PCNX2: variants seen among roughly 807,000 people sequenced by gnomAD.
The protein encoded by PCNX2 is pecanex 2, also known as pecanex-like protein 2.
Under a neutral mutation model 223.8 loss-of-function variants are expected in PCNX2, and 168 were observed. The observed-to-expected ratio is 0.75, with a 90% confidence interval of 0.66 to 0.85. The LOEUF is 0.85. PCNX2 is among the 40% of genes least tolerant of loss of function. PCNX2 has a pLI of 0.00. For missense variants in PCNX2, 2,507 were observed against 2,675.5 expected, an observed-to-expected ratio of 0.94 and a Z score of 1.39; for synonymous variants, 1,006 against 1,052.6, an observed-to-expected ratio of 0.96 and a Z score of 0.86.
In PCNX2 at chr1:233,000,335, G is replaced by A. The variant is rs750661383; in HGVS notation, c.5298C>T (p.His1766=). Residue 1766 remains histidine, a synonymous_variant, in exon 30 of 34, where the codon CAC becomes CAT. Transcript: ENST00000258229. The surrounding 1 kb of genome is among the most constrained non-coding windows in gnomAD (Gnocchi z 4.6). ...GADEYKVIML[H]RSFLSFKVIK... Reference sequence around the variant, plus strand: ...TCACCTTGAAGCTCAGGAAGCTTCTGTGGAGCATGATGACCTTGTACTCGT... The same window carrying A: ...TCACCTTGAAGCTCAGGAAGCTTCTATGGAGCATGATGACCTTGTACTCGT... The A allele has an allele frequency of 3.1e-6, 5 of 1,613,898 alleles. No homozygotes were observed. The South Asian group carries it at 5.5e-5, about 18-fold the overall frequency.
At chr1:233,189,938 C>G (rs895402458) in intron 15 of PCNX2, among the ~76,000 whole-genome samples, 5 of 152,078 alleles carry the variant, frequency 3.3e-5, no homozygotes, top group African/African-American at 1.2e-4. Context: ...TGAGGGAGTC[C>G]ATTTATATGT....
At chr1:233,106,132 C>A (rs1243126812) in intron 21 of PCNX2, among the ~76,000 whole-genome samples, 1 of 152,136 alleles carries the variant, frequency 6.6e-6, no homozygotes, top group Non-Finnish European at 1.5e-5. Flanking sequence ...CTGCTCATTT[C>A]ACCTTGGAGT....
At position 233,295,473 on chromosome 1, in the gene PCNX2, C is replaced by A; in HGVS notation, c.6G>T (p.Val2=). The part of the protein sequence containing the change: M[V]SQVLQLLRQG... ...GCCGGAGCAGCTGCAGCACCTGGGACACCATGCCGGCTGCGCCCCGGGGCT... is the reference window on the plus strand; with the variant it reads ...GCCGGAGCAGCTGCAGCACCTGGGAAACCATGCCGGCTGCGCCCCGGGGCT... The change falls in exon 1 of 34, where the codon GTG becomes GTT. Residue 2 remains valine, a synonymous_variant. Coordinates refer to ENST00000258229, the MANE Select transcript of PCNX2 (RefSeq NM_014801.4). The surrounding 1 kb of genome is among the most constrained non-coding windows in gnomAD (Gnocchi z 4.1). 1 of 1,548,274 alleles carries A rather than the reference C, an allele frequency of 6.5e-7. No individual in the cohort carries two copies. The highest frequency in any genetic ancestry group is 8.7e-7 in the Non-Finnish European group (1 of 1,145,794).
intron 28 of PCNX2, among the ~76,000 whole-genome samples, chr1:233,005,040 G>A (rs1355340651): frequency 6.6e-6 from 1 of 152,210 alleles, no homozygotes; most frequent in Non-Finnish European, 1.5e-5. Flanking sequence ...GATGCCGAGA[G>A]TGGAGGCTTC....
intron 19 of PCNX2, among the ~76,000 whole-genome samples, chr1:233,155,955 CT>C (rs1180831886): frequency 6.6e-6 from 1 of 152,120 alleles, no homozygotes; most frequent in East Asian, 1.9e-4. Context: ...GCATGATTAA[CT>C]TAGCTTGGGG....
chr1:233,229,670 A>G (rs146734211), intron 9 of PCNX2, among the ~76,000 whole-genome samples: 2 of 152,296 alleles, frequency 1.3e-5, no homozygotes, highest in East Asian at 3.9e-4. Flanking sequence ...GTTTCATATG[A>G]TACCCTTAGC....
At chr1:233,114,806 T>C (rs539844846) in intron 21 of PCNX2, among the ~76,000 whole-genome samples, 2 of 152,266 alleles carry the variant, frequency 1.3e-5, no homozygotes, top group South Asian at 4.1e-4. Context: ...CATGAAGTTA[T>C]ACAGGCTGAG....
chr1:233,086,239 A>C (rs1386120442), intron 23 of PCNX2, among the ~76,000 whole-genome samples: 1 of 152,182 alleles, frequency 6.6e-6, no homozygotes, highest in Non-Finnish European at 1.5e-5. Flanking sequence ...TGTGTGGGAA[A>C]GTGTTGTGGG....
intron 15 of PCNX2, among the ~76,000 whole-genome samples, chr1:233,197,503 G>A (rs950997910): frequency 5.9e-5 from 9 of 152,076 alleles, no homozygotes; most frequent in African/African-American, 2.2e-4. Context: ...AAAGAACACC[G>A]GAAACACTGT....
intron 12 of PCNX2, among the ~76,000 whole-genome samples, chr1:233,211,097 A>G (rs1681787773): frequency 1.3e-5 from 2 of 152,126 alleles, no homozygotes; most frequent in Admixed American, 1.3e-4. Flanking sequence ...GTTGTTGTGA[A>G]GTGGGGAGAA....
Position 233,016,908 on chromosome 1 carries a change from C to A in PCNX2, c.4839+13G>T. 4 of 1,590,832 alleles carry A rather than the reference C, an allele frequency of 2.5e-6. No individual in the cohort carries two copies. Among genetic ancestry groups the A allele is most frequent in the Non-Finnish European group, 3.4e-6 (4 of 1,160,150 alleles). On this transcript the variant is annotated intron_variant, in intron 27 of 33. Transcript: ENST00000258229. ...TTACATTCCATGCCTCAGCCCCCAC[C>A]TCCCTGACCTACCTCTTGTCTTTTC...
chr1:233,018,422 A>G (rs1198382394), intron 26 of PCNX2, among the ~76,000 whole-genome samples: 3 of 152,246 alleles, frequency 2.0e-5, no homozygotes, highest in South Asian at 2.1e-4. Flanking sequence ...TCTGTGATAC[A>G]TTCACAAGTA....
chr1:233,251,253 T>G (rs1253212932), intron 7 of PCNX2, among the ~76,000 whole-genome samples: 1 of 152,080 alleles, frequency 6.6e-6, no homozygotes, highest in African/African-American at 2.4e-5. Flanking sequence ...TTATTAAGAG[T>G]ACAGTTTTGA....
intron 3 of PCNX2, 42 bp downstream of exon 3, chr1:233,262,003 A>G (rs1355669352): frequency 3.1e-6 from 5 of 1,611,100 alleles, no homozygotes; most frequent in Admixed American, 3.3e-5. Context: ...ATCAACATCG[A>G]AATCACATGA....
intron 25 of PCNX2, chr1:233,031,940 T>A (rs1270810996): frequency 1.0e-6 from 1 of 985,174 alleles, no homozygotes; most frequent in African/African-American, 1.7e-5. Context: ...CTGACTGCTC[T>A]GCACACTGGG....
intron 19 of PCNX2, among the ~76,000 whole-genome samples, chr1:233,148,887 C>G (rs1481501483): frequency 6.6e-6 from 1 of 152,172 alleles, no homozygotes; most frequent in African/African-American, 2.4e-5. Flanking sequence ...TAAGAAGAAG[C>G]TAAAACAAAA....
intron 21 of PCNX2, among the ~76,000 whole-genome samples, chr1:233,097,851 C>T (rs775429444): frequency 4.6e-5 from 7 of 152,172 alleles, no homozygotes; most frequent in Non-Finnish European, 7.3e-5. Context: ...TTCCTTTTAT[C>T]TCCACCATTA....
intron 17 of PCNX2, among the ~76,000 whole-genome samples, chr1:233,166,947 G>A (rs928153918): frequency 1.4e-4 from 21 of 151,970 alleles, no homozygotes; most frequent in African/African-American, 5.1e-4. Context: ...TTCAAGACCA[G>A]CCTGGGCAAC....
At chr1:233,085,437 A>C (rs1262144661) in intron 23 of PCNX2, among the ~76,000 whole-genome samples, 1 of 152,174 alleles carries the variant, frequency 6.6e-6, no homozygotes, top group Non-Finnish European at 1.5e-5. Context: ...TATAGACTAC[A>C]CCAACCTTGG....
Sources: allele counts gnomAD v4.1 joint callset (sites outside exome capture counted in the v4.1 genomes callset), GRCh38; gene constraint gnomAD v4.1.1; non-coding constraint Gnocchi (gnomAD v3.1); transcripts MANE v1.5; gene names NCBI Gene and HGNC (gene_info 2026-07-23, HGNC 2026-07-21).